The following SCGB2B2 variants were observed in gnomAD, a reference collection of about 807,000 sequenced individuals.
The protein encoded by SCGB2B2 is secretoglobin-like protein.
Under a neutral mutation model 7.6 loss-of-function variants are expected in SCGB2B2, and 11 were observed. The observed-to-expected ratio is 1.45, with a 90% confidence interval of 0.91 to 2.40. The LOEUF (loss-of-function observed/expected upper bound fraction) is 2.40, where lower values mean the gene tolerates loss of function less well. SCGB2B2 is among the 30% of genes most tolerant of loss of function. The probability of loss-of-function intolerance (pLI) is 0.00; values close to 1 mark genes in which losing one functional copy is unlikely to be tolerated. For synonymous variants in SCGB2B2, 50 were observed against 48.6 expected, an observed-to-expected ratio of 1.03 and a Z score of -0.12; for missense variants, 104 against 115.4, an observed-to-expected ratio of 0.90 and a Z score of 0.45.
chr19:34,587,159 C>T (rs540535580), downstream of SCGB2B2, among the ~76,000 whole-genome samples: 63 of 152,248 alleles, frequency 4.1e-4, no homozygotes, highest in Non-Finnish European at 4.6e-4. Context: ...CCACCTGCCT[C>T]GGCCTCCCAA....
intron 1 of SCGB2B2, among the ~76,000 whole-genome samples, chr19:34,631,113 GT>G (rs2066519244): frequency 8.3e-6 from 1 of 120,796 alleles, no homozygotes; most frequent in Non-Finnish European, 1.7e-5. Flanking sequence ...GGGGCCTGTT[GT>G]GGGGTGGGGG....
At chr19:34,598,062 G>A (rs1359452494) in intron 1 of SCGB2B2, among the ~76,000 whole-genome samples, 2 of 152,290 alleles carry the variant, frequency 1.3e-5, no homozygotes, top group East Asian at 3.9e-4. Context: ...GAGTGGCAGA[G>A]GGGTCAGCGG....
intron 1 of SCGB2B2, among the ~76,000 whole-genome samples, chr19:34,614,493 T>A (rs1237905492): frequency 6.6e-6 from 1 of 152,236 alleles, no homozygotes; most frequent in Non-Finnish European, 1.5e-5. Flanking sequence ...ATTGAATTTC[T>A]GATTCATATC....
chr19:34,646,974 A>T (rs945584717), intron 1 of SCGB2B2: 5 of 151,864 alleles, frequency 3.3e-5, no homozygotes, highest in Non-Finnish European at 5.9e-5. Flanking sequence ...ATCTCCTCCT[A>T]CCCAAGTCCT....
chr19:34,587,586 T>C (rs949369029), downstream of SCGB2B2, among the ~76,000 whole-genome samples: 8 of 152,176 alleles, frequency 5.3e-5, no homozygotes, highest in African/African-American at 1.9e-4. Flanking sequence ...GTGGCAAAAA[T>C]GGACATTCTT....
intron 1 of SCGB2B2, among the ~76,000 whole-genome samples, chr19:34,626,899 C>T (rs2066393646): frequency 6.6e-6 from 1 of 152,254 alleles, no homozygotes; most frequent in African/African-American, 2.4e-5. Flanking sequence ...ATCAGACTAA[C>T]AGCTAATCTC....
intron 1 of SCGB2B2, among the ~76,000 whole-genome samples, chr19:34,643,692 T>C (rs1171852257): frequency 6.6e-6 from 1 of 152,118 alleles, no homozygotes; most frequent in African/African-American, 2.4e-5. Context: ...TCCATAAACA[T>C]GGAAAATATT....
intron 1 of SCGB2B2, among the ~76,000 whole-genome samples, chr19:34,657,148 T>C (rs1003994203): frequency 6.6e-6 from 1 of 151,406 alleles, no homozygotes; most frequent in Non-Finnish European, 1.5e-5. Flanking sequence ...ACTGACACTT[T>C]AAGAGAATGC....
chr19:34,660,414 CA>C (rs559773865), intron 1 of SCGB2B2, among the ~76,000 whole-genome samples: 1,664 of 152,264 alleles, frequency 0.011, 15 homozygotes, highest in African/African-American at 0.038. Context: ...CCAGAATCTA[CA>C]AAGAACTTAA....
intron 1 of SCGB2B2, among the ~76,000 whole-genome samples, chr19:34,632,489 T>C (rs1370757800): frequency 6.6e-6 from 1 of 152,196 alleles, no homozygotes; most frequent in Non-Finnish European, 1.5e-5. Context: ...ATGGCAGTAG[T>C]ACACATAAAA....
chr19:34,643,928 C>T (rs1370344926), intron 1 of SCGB2B2, among the ~76,000 whole-genome samples: 2 of 151,896 alleles, frequency 1.3e-5, no homozygotes, highest in Non-Finnish European at 2.9e-5. Flanking sequence ...AAGACAATTA[C>T]TTTCTACAGA....
At chr19:34,599,671 TG>T (rs2065564980) in intron 1 of SCGB2B2, among the ~76,000 whole-genome samples, 1 of 152,122 alleles carries the variant, frequency 6.6e-6, no homozygotes. Context: ...GAGATTTGGG[TG>T]GGGACACGGA....
chr19:34,594,810 G>C lies in SCGB2B2; in HGVS notation c.-247C>G. 1.8e-6 allele frequency: 1 copy of C among 543,698 alleles called. No homozygotes were observed. The highest frequency in any genetic ancestry group is 3.0e-5 in the Admixed American group (1 of 33,300). 33.7% of individuals were successfully genotyped at this position (543,698 alleles called of 1,614,324 possible). ...CAGCATGCAGTGGGAGGGGTTGGGT[G>C]TTGTGACATTCTCTCTGTCCTCCCT... On this transcript the variant is annotated 5_prime_UTR_variant, in exon 2 of 4. Coordinates refer to ENST00000601241, the MANE Select transcript of SCGB2B2 (RefSeq NM_001025591.4).
chr19:34,602,324 T>A (rs1018937431), intron 1 of SCGB2B2, among the ~76,000 whole-genome samples: 1 of 152,248 alleles, frequency 6.6e-6, no homozygotes, highest in Non-Finnish European at 1.5e-5. Context: ...TCTTTTTATA[T>A]ATAATCTCAT....
intron 1 of SCGB2B2, chr19:34,608,684 T>TATATATAC (rs879668084): frequency 1.1e-4 from 14 of 126,646 alleles, no homozygotes; most frequent in South Asian, 6.0e-4. Context: ...TATATATATA[T>TATATATAC]ACCGTATTTT....
intron 1 of SCGB2B2, among the ~76,000 whole-genome samples, chr19:34,653,422 T>C (rs2067210433): frequency 2.0e-5 from 3 of 151,314 alleles, no homozygotes; most frequent in Admixed American, 2.0e-4. Flanking sequence ...TCACCCTGCT[T>C]TGGTCATTAC....
chr19:34,620,715 T>C (rs541740295), intron 1 of SCGB2B2, among the ~76,000 whole-genome samples: 2 of 152,234 alleles, frequency 1.3e-5, no homozygotes, highest in African/African-American at 2.4e-5. Flanking sequence ...ATTTAAATTA[T>C]AATTCATAGT....
At chr19:34,598,009 C>T (rs1191211170) in intron 1 of SCGB2B2, among the ~76,000 whole-genome samples, 12 of 152,000 alleles carry the variant, frequency 7.9e-5, no homozygotes, top group Admixed American at 7.2e-4. Context: ...GAGACTGCTC[C>T]CACTGCTTTC....
At chr19:34,645,948 C>A in intron 1 of SCGB2B2, 1 of 290,064 alleles carries the variant, frequency 3.4e-6, no homozygotes. Flanking sequence ...CCCAGAGGAC[C>A]TGAAGCGGGA....
Sources: allele counts gnomAD v4.1 joint callset (sites outside exome capture counted in the v4.1 genomes callset), GRCh38; gene constraint gnomAD v4.1.1; transcripts MANE v1.5; gene names NCBI Gene and HGNC (gene_info 2026-07-23, HGNC 2026-07-21).